Variants in AGMO observed in about 807,000 individuals in gnomAD.
AGMO encodes the protein glyceryl-ether monooxygenase.
Under a neutral mutation model 60.2 loss-of-function variants are expected in AGMO, and 75 were observed. That is an observed-to-expected ratio of 1.25 (90% CI 1.03 to 1.51). The LOEUF is 1.51. Among genes scored for constraint, AGMO ranks in the 40% most tolerant of loss-of-function variants. The pLI is 0.00. For synonymous variants in AGMO, 261 were observed against 177.1 expected (o/e 1.47, Z -3.76); for missense variants, 763 against 525.5 (o/e 1.45, Z -4.42).
At chr7:15,365,747 C>A (rs1266322648) in intron 11 of AGMO, 128 bp from the exon 12 acceptor site, 3 of 669,858 alleles carry the variant, frequency 4.5e-6, no homozygotes, top group Non-Finnish European at 4.9e-6. Context: ...AAAAGCATGT[C>A]CCCTGAAGCA....
At chr7:15,383,658 A>G (rs1304141279) in intron 10 of AGMO, among the ~76,000 whole-genome samples, 1 of 151,910 alleles carries the variant, frequency 6.6e-6, no homozygotes, top group Non-Finnish European at 1.5e-5. Flanking sequence ...AGCATATATT[A>G]TTTATTAATT....
At chr7:15,368,433 C>CA (rs1167704897) in intron 10 of AGMO, among the ~76,000 whole-genome samples, 1 of 152,036 alleles carries the variant, frequency 6.6e-6, no homozygotes, top group African/African-American at 2.4e-5. Context: ...TGATTTGTGT[C>CA]AAAATCTGTA....
At chr7:15,364,704 C>T (rs1782903518) in intron 12 of AGMO, among the ~76,000 whole-genome samples, 1 of 151,938 alleles carries the variant, frequency 6.6e-6, no homozygotes, top group Non-Finnish European at 1.5e-5. Flanking sequence ...CAAATTACCT[C>T]CAAAGGAGTT....
chr7:15,151,552 T>A, the AGMO span, among the ~76,000 whole-genome samples: 1 of 152,158 alleles, frequency 6.6e-6, no homozygotes, highest in African/African-American at 2.4e-5. Context: ...CTGTTTTAAT[T>A]TAATTGTTTA....
the AGMO span, among the ~76,000 whole-genome samples, chr7:15,161,420 C>CTA: frequency 2.6e-5 from 4 of 151,266 alleles, no homozygotes; most frequent in Admixed American, 2.0e-4. Flanking sequence ...CTCTCTCTCT[C>CTA]TATATATAAA....
At chr7:15,205,325 C>T (rs902787653) in intron 12 of AGMO, among the ~76,000 whole-genome samples, 3 of 152,002 alleles carry the variant, frequency 2.0e-5, no homozygotes, top group African/African-American at 7.2e-5. Context: ...ATAATTCAGC[C>T]TTCAGATAAG....
chr7:15,480,876 G>C (rs923216421), intron 3 of AGMO, among the ~76,000 whole-genome samples: 1 of 149,518 alleles, frequency 6.7e-6, no homozygotes, highest in Non-Finnish European at 1.5e-5. Flanking sequence ...GCCATGGTGA[G>C]TCACTAATGA....
chr7:15,335,528 G>C (rs539529405), intron 12 of AGMO, among the ~76,000 whole-genome samples: 1 of 152,154 alleles, frequency 6.6e-6, no homozygotes, highest in South Asian at 2.1e-4. Flanking sequence ...AAAATATTTA[G>C]TCACTCGCTT....
At chr7:15,122,330 T>C in the AGMO span, among the ~76,000 whole-genome samples, 1 of 152,154 alleles carries the variant, frequency 6.6e-6, no homozygotes, top group Admixed American at 6.6e-5. Flanking sequence ...ACTATCCATA[T>C]GCTCATTCAT....
At chr7:15,362,413 T>A (rs921037854) in intron 12 of AGMO, among the ~76,000 whole-genome samples, 1 of 152,156 alleles carries the variant, frequency 6.6e-6, no homozygotes, top group East Asian at 1.9e-4. Context: ...TCAAGTTTAA[T>A]CATTAATGGC....
At chr7:15,471,200 T>C (rs939876147) in intron 3 of AGMO, among the ~76,000 whole-genome samples, 37 of 152,086 alleles carry the variant, frequency 2.4e-4, no homozygotes, top group Non-Finnish European at 1.5e-5. Flanking sequence ...TATCCCACAC[T>C]GGTATGATCT....
chr7:15,276,302 G>C (rs562571012), intron 12 of AGMO, among the ~76,000 whole-genome samples: 10 of 152,064 alleles, frequency 6.6e-5, no homozygotes, highest in Non-Finnish European at 1.5e-4. Context: ...CAGTTTGGCA[G>C]GATACAAAAG....
chr7:15,212,247 TACACACACACAC>T (rs57236152), intron 12 of AGMO, among the ~76,000 whole-genome samples: 1,514 of 146,356 alleles, frequency 0.01, 24 homozygotes, highest in African/African-American at 0.031. Context: ...AGGTGTGGAG[TACACACACACAC>T]ACACACACAC....
chr7:15,515,963 CG>C (rs1450542994), intron 3 of AGMO, among the ~76,000 whole-genome samples: 1 of 151,966 alleles, frequency 6.6e-6, no homozygotes, highest in Non-Finnish European at 1.5e-5. Flanking sequence ...AGAGATCGAT[CG>C]TACACCATGG....
chr7:15,288,393 G>A (rs894958044), intron 12 of AGMO, among the ~76,000 whole-genome samples: 7 of 152,178 alleles, frequency 4.6e-5, no homozygotes, highest in Non-Finnish European at 8.8e-5. Context: ...CAGGAACTGC[G>A]TTTGTAGATG....
intron 3 of AGMO, among the ~76,000 whole-genome samples, chr7:15,512,619 G>T (rs1189628120): frequency 6.6e-6 from 1 of 152,092 alleles, no homozygotes; most frequent in East Asian, 1.9e-4. Context: ...ATATTTAGTT[G>T]AATTGACTAT....
intron 5 of AGMO, among the ~76,000 whole-genome samples, chr7:15,399,214 G>A (rs1784489941): frequency 6.6e-6 from 1 of 152,090 alleles, no homozygotes; most frequent in South Asian, 2.1e-4. Context: ...GGGCCATGAA[G>A]GGGTTCAGAA....
chr7:15,268,788 G>C (rs1215465227), intron 12 of AGMO, among the ~76,000 whole-genome samples: 1 of 151,994 alleles, frequency 6.6e-6, no homozygotes, highest in African/African-American at 2.4e-5. Context: ...GCATTTGGAT[G>C]AGGCAGGTGG....
At chr7:15,333,323 G>A (rs960402627) in intron 12 of AGMO, among the ~76,000 whole-genome samples, 2 of 152,036 alleles carry the variant, frequency 1.3e-5, no homozygotes, top group South Asian at 2.1e-4. Context: ...TCACTAATAA[G>A]GTGCACTTAT....
Sources: gnomAD v4.1 joint callset for allele counts (sites outside exome capture counted in the v4.1 genomes callset) on GRCh38, gnomAD v4.1.1 for gene constraint, MANE v1.5 for transcripts, NCBI Gene and HGNC (gene_info 2026-07-23, HGNC 2026-07-21) for gene names.